AUTS2: variants seen among roughly 807,000 people sequenced by gnomAD.
AUTS2 encodes activator of transcription and developmental regulator AUTS2.
A neutral mutation model predicts 112.4 loss-of-function variants in AUTS2; 17 were observed. The ratio of observed to expected loss-of-function variants is 0.15; its 90% CI spans 0.10 to 0.23. The LOEUF (loss-of-function observed/expected upper bound fraction) is 0.23, where lower values mean the gene tolerates loss of function less well. AUTS2 is among the 10% of genes least tolerant of loss of function. The pLI, the probability that AUTS2 is intolerant of heterozygous loss-of-function variation, is 1.00. For synonymous variants in AUTS2, 751 were observed against 702.7 expected, an observed-to-expected ratio of 1.07 and a Z score of -1.09; for missense variants, 1,510 against 1,701.6, an observed-to-expected ratio of 0.89 and a Z score of 1.98.
At chr7:70,637,794 A>T (rs1377820560) in intron 5 of AUTS2, among the ~76,000 whole-genome samples, 1 of 152,194 alleles carries the variant, frequency 6.6e-6, no homozygotes. Context: ...TTGGGTAAAT[A>T]GGCAGATTCT....
At chr7:69,955,450 A>G (rs368323160) in intron 2 of AUTS2, among the ~76,000 whole-genome samples, 13 of 152,220 alleles carry the variant, frequency 8.5e-5, no homozygotes, top group African/African-American at 3.1e-4. Flanking sequence ...TAGGGAAGGC[A>G]CCAGCTTCAA....
chr7:70,311,751 C>G (rs1377616717), intron 4 of AUTS2, among the ~76,000 whole-genome samples: 1 of 152,008 alleles, frequency 6.6e-6, no homozygotes, highest in Admixed American at 6.6e-5. Flanking sequence ...GAGTCTCGCT[C>G]TGTTGCCCAG....
chr7:70,784,771 A>C lies in AUTS2; in HGVS notation c.2147-171A>C, dbSNP rs957607685. The C allele has an allele frequency of 1.4e-4, 21 of 154,432 alleles. 1 individual carries two copies. Among genetic ancestry groups the C allele is most frequent in the East Asian group, 3.8e-4 (2 of 5,248 alleles). 9.6% of individuals were successfully genotyped at this position (154,432 alleles called of 1,614,324 possible). A position where few individuals can be genotyped will look rare whatever the true frequency, so the allele number is the denominator to read the frequency against. On this transcript the variant is annotated intron_variant, in intron 15 of 18. Transcript: ENST00000342771. ...AAAAAAAAAAAAAAAAAAAAAAAAA[A>C]AACACACATTTTCTTTTACCCTGTG...
chr7:70,225,797 A>G (rs1811734427), intron 4 of AUTS2, among the ~76,000 whole-genome samples: 1 of 152,220 alleles, frequency 6.6e-6, no homozygotes, highest in Admixed American at 6.5e-5. Context: ...TTCTCAAGTT[A>G]GTACCAATGT....
intron 5 of AUTS2, among the ~76,000 whole-genome samples, chr7:70,541,291 A>G (rs185857775): frequency 6.6e-6 from 1 of 152,212 alleles, no homozygotes; most frequent in Non-Finnish European, 1.5e-5. Context: ...GAGGTGAGAG[A>G]CTGTCACAGC....
intron 5 of AUTS2, among the ~76,000 whole-genome samples, chr7:70,549,453 A>G (rs1360804800): frequency 1.3e-5 from 2 of 152,248 alleles, no homozygotes; most frequent in Non-Finnish European, 2.9e-5. Flanking sequence ...AGGAGACAAA[A>G]GAGGCAACTT....
At chr7:70,494,876 AT>A (rs940917582) in intron 5 of AUTS2, among the ~76,000 whole-genome samples, 33 of 151,956 alleles carry the variant, frequency 2.2e-4, no homozygotes, top group Non-Finnish European at 4.1e-4. Flanking sequence ...CAGTGTTTTG[AT>A]TTTTTTCCCC....
intron 3 of AUTS2, among the ~76,000 whole-genome samples, chr7:70,124,895 G>A (rs1406684592): frequency 6.6e-6 from 1 of 152,196 alleles, no homozygotes; most frequent in Non-Finnish European, 1.5e-5. Context: ...ATCAGAGAGT[G>A]AAAAGGTAGA....
chr7:70,560,913 G>C (rs1801460349), intron 5 of AUTS2, among the ~76,000 whole-genome samples: 1 of 152,182 alleles, frequency 6.6e-6, no homozygotes, highest in Non-Finnish European at 1.5e-5. Context: ...AGATAGATCA[G>C]AAGATTGAAA....
intron 5 of AUTS2, among the ~76,000 whole-genome samples, chr7:70,500,806 C>T (rs1798743149): frequency 6.6e-6 from 1 of 151,970 alleles, no homozygotes; most frequent in African/African-American, 2.4e-5. Flanking sequence ...ACTGCAACTT[C>T]AGCCTCCCAG....
chr7:70,291,907 A>T (rs1386712792), intron 4 of AUTS2: 1 of 152,210 alleles, frequency 6.6e-6, no homozygotes, highest in Non-Finnish European at 1.5e-5. Context: ...AGGACTGCAT[A>T]GATGAAGTAT....
chr7:69,638,846 G>A (rs1449994164), intron 1 of AUTS2, among the ~76,000 whole-genome samples: 1 of 152,210 alleles, frequency 6.6e-6, no homozygotes, highest in African/African-American at 2.4e-5. Context: ...AGAGGCCCAG[G>A]TGCTACCTAT....
chr7:70,187,830 A>C (rs911311159), intron 4 of AUTS2, among the ~76,000 whole-genome samples: 1 of 140,176 alleles, frequency 7.1e-6, no homozygotes, highest in African/African-American at 2.7e-5. Context: ...TTGGAATCAC[A>C]TCAGGAAAGG....
At chr7:70,220,345 C>T (rs955991832) in intron 4 of AUTS2, among the ~76,000 whole-genome samples, 3 of 152,134 alleles carry the variant, frequency 2.0e-5, no homozygotes, top group African/African-American at 7.2e-5. Context: ...CCAACCTTTC[C>T]TCTGTACCTG....
chr7:70,468,195 G>T (rs1797242309), intron 5 of AUTS2, among the ~76,000 whole-genome samples: 1 of 152,194 alleles, frequency 6.6e-6, no homozygotes, highest in Admixed American at 6.5e-5. Flanking sequence ...GGAGCATTGT[G>T]TCCACATTAA....
intron 6 of AUTS2, among the ~76,000 whole-genome samples, chr7:70,716,731 G>A (rs1810395706): frequency 2.0e-5 from 3 of 151,652 alleles, no homozygotes; most frequent in Admixed American, 2.0e-4. Context: ...TGTCTGGGGT[G>A]GAAGATCCTG....
At position 70,216,035 on chromosome 7, in the gene AUTS2, A is replaced by G. The variant is rs933928170; in HGVS notation, c.660+81464A>G. On this transcript the variant is annotated intron_variant, in intron 4 of 18. Coordinates refer to ENST00000342771, the MANE Select transcript of AUTS2 (RefSeq NM_015570.4). ...TATAAAAAAAATTCAGAATCCCTAT[A>G]TTGTAGCCCAACTTTCTTTAGCACT... Among the ~76,000 whole-genome samples, 3 of 152,354 alleles carry G rather than the reference A, an allele frequency of 2.0e-5. No homozygotes were observed. The East Asian group carries it at 5.8e-4, about 29-fold the overall frequency.
intron 2 of AUTS2, among the ~76,000 whole-genome samples, chr7:70,041,127 A>G (rs6944743): frequency 0.039 from 5,925 of 152,296 alleles, 157 homozygotes; most frequent in Middle Eastern, 0.085. Flanking sequence ...ATAAAACTGC[A>G]AGAATTTTCA....
At chr7:70,161,417 A>G (rs766164428) in intron 4 of AUTS2, among the ~76,000 whole-genome samples, 2 of 151,922 alleles carry the variant, frequency 1.3e-5, no homozygotes, top group Non-Finnish European at 2.9e-5. Context: ...GGGTGATCCC[A>G]GCTTATCCTT....
Sources: allele counts gnomAD v4.1 joint callset (sites outside exome capture counted in the v4.1 genomes callset), GRCh38; gene constraint gnomAD v4.1.1; transcripts MANE v1.5; gene names NCBI Gene and HGNC (gene_info 2026-07-23, HGNC 2026-07-21).